UGT1A9: variants seen among roughly 807,000 people sequenced by gnomAD.
The protein encoded by UGT1A9 is UDP-glucuronosyltransferase 1A9.
UGT1A9 carries 35 observed loss-of-function variants against 45.0 expected under a neutral mutation model. That is an observed-to-expected ratio of 0.78 (90% confidence interval 0.59 to 1.03). The LOEUF (loss-of-function observed/expected upper bound fraction) is 1.03, where lower values mean the gene tolerates loss of function less well. Among genes scored for constraint, UGT1A9 ranks in the 50% least tolerant of loss-of-function variants. UGT1A9 has a pLI of 0.00. For missense variants in UGT1A9, 687 were observed against 666.6 expected (o/e 1.03, Z -0.34); for synonymous variants, 278 against 250.6 (o/e 1.11, Z -1.03).
chr2:233,755,170 T>C (rs1240762958), intron 1 of UGT1A9: 2 of 1,262,070 alleles, frequency 1.6e-6, no homozygotes, highest in Non-Finnish European at 2.2e-6. Context: ...TCGGGGTTTT[T>C]GTCGGGGTGC....
chr2:233,713,080 A>G (rs1178501043), intron 1 of UGT1A9: 1 of 1,614,182 alleles, frequency 6.2e-7, no homozygotes, highest in Non-Finnish European at 8.5e-7. Flanking sequence ...GAGAGTGGGA[A>G]GGTGCTGGTG....
rs146825304 is a variant in UGT1A9, at chr2:233,749,948, G to C, written c.856-17086G>C. On this transcript the variant is annotated intron_variant, in intron 1 of 4. Transcript: ENST00000354728. ...AAAGCTCTTTCCTTTATGAATTACC[G>C]AGTCTTGGGTATGTCTTTATAGCAG... 4.8e-3 allele frequency among the ~76,000 whole-genome samples: 734 copies of C among 151,926 alleles called. 7 individuals carry two copies. The highest frequency in any genetic ancestry group is 4.2e-3 in the Non-Finnish European group (283 of 68,018).
intron 1 of UGT1A9, chr2:233,741,926 GCATAACCTGTGC>G: frequency 6.6e-6 from 1 of 151,948 alleles, no homozygotes; most frequent in Non-Finnish European, 1.5e-5. Context: ...TTCATTTGGG[GCATAACCTGTGC>G]CAACAGAAAG....
chr2:233,690,431 T>C, intron 1 of UGT1A9: 1 of 1,261,160 alleles, frequency 7.9e-7, no homozygotes, highest in Non-Finnish European at 1.0e-6. Flanking sequence ...TGCACATCTT[T>C]GGGTCTCTCC....
At chr2:233,715,989 A>G (rs1242596937) in intron 1 of UGT1A9, among the ~76,000 whole-genome samples, 1 of 152,116 alleles carries the variant, frequency 6.6e-6, no homozygotes, top group East Asian at 1.9e-4. Flanking sequence ...TTAAAACACA[A>G]CAAAACCCAA....
At chr2:233,713,323 C>T (rs758064318) in intron 1 of UGT1A9, 21 of 1,614,222 alleles carry the variant, frequency 1.3e-5, no homozygotes, top group Non-Finnish European at 1.7e-6. Context: ...ATGAAATTTT[C>T]TAGAAGAATG....
At position 233,752,253 on chromosome 2, in the gene UGT1A9, G is replaced by A. The variant is rs182159000; in HGVS notation, c.856-14781G>A. ...TTGGTTTTTTGGACCCTACTGTGAT[G>A]GTCACAGGACTCCAGGTCTCTTGGG... On this transcript the variant is annotated intron_variant, in intron 1 of 4. Coordinates refer to ENST00000354728, the MANE Select transcript of UGT1A9 (RefSeq NM_021027.3). 1.2e-3 allele frequency: 184 copies of A among 152,284 alleles called. 1 individual carries two copies. Among genetic ancestry groups the A allele is most frequent in the African/African-American group, 4.2e-3 (173 of 41,564 alleles). 9.4% of individuals were successfully genotyped at this position (152,284 alleles called of 1,614,324 possible).
intron 4 of UGT1A9, chr2:233,771,337 C>A (rs949199935): frequency 6.6e-6 from 1 of 152,084 alleles, no homozygotes; most frequent in Non-Finnish European, 1.5e-5. Flanking sequence ...CCTCTTCATT[C>A]CTGTAGCACC....
intron 1 of UGT1A9, among the ~76,000 whole-genome samples, chr2:233,765,843 C>T (rs546022798): frequency 6.6e-6 from 1 of 151,968 alleles, no homozygotes; most frequent in Admixed American, 6.6e-5. Flanking sequence ...TTTCCTTGTC[C>T]CCCTCACAGA....
chr2:233,744,064 T>G, intron 1 of UGT1A9: 1 of 560,044 alleles, frequency 1.8e-6, no homozygotes, highest in Non-Finnish European at 2.7e-6. Context: ...TCGAGGCCTA[T>G]GAGCGCCTCG....
intron 1 of UGT1A9, among the ~76,000 whole-genome samples, chr2:233,723,682 C>CCTT: frequency 1.0e-5 from 1 of 95,480 alleles, no homozygotes; most frequent in African/African-American, 5.0e-5. Flanking sequence ...CTGCGGCCTT[C>CCTT]CGCAGTGTTT....
In UGT1A9 at chr2:233,672,258, A is replaced by G. The variant is rs759267504; in HGVS notation, c.324A>G (p.Leu108=). 3.7e-6 allele frequency: 6 copies of G among 1,614,080 alleles called. No individual in the cohort carries two copies. Among genetic ancestry groups the G allele is most frequent in the Admixed American group, 1.7e-5 (1 of 59,998 alleles). Residue 108 remains leucine, a synonymous_variant, in exon 1 of 5, where the codon CTA becomes CTG. Transcript: ENST00000354728. The part of the protein sequence containing the change: ...WKAQVRSIYS[L]LMGSYNDIFD... ...CACAAGTACGAAGTATATATTCTCT[A>G]TTAATGGGTTCATACAATGACATTT...
intron 1 of UGT1A9, chr2:233,718,075 G>A (rs2076626489): frequency 1.7e-5 from 6 of 344,578 alleles, no homozygotes; most frequent in South Asian, 1.2e-4. Context: ...CCTTGCTAGG[G>A]TTGTCTTGCC....
intron 1 of UGT1A9, among the ~76,000 whole-genome samples, chr2:233,766,364 G>C (rs1381103193): frequency 6.6e-6 from 1 of 152,144 alleles, no homozygotes; most frequent in Non-Finnish European, 1.5e-5. Flanking sequence ...GTGCCTGTTG[G>C]TGAGTTCTTC....
At chr2:233,746,859 G>T (rs1300459019) in intron 1 of UGT1A9, among the ~76,000 whole-genome samples, 1 of 151,794 alleles carries the variant, frequency 6.6e-6, no homozygotes, top group South Asian at 2.1e-4. Context: ...CTCAGCTGCA[G>T]CCTGATAAAC....
intron 1 of UGT1A9, chr2:233,692,779 C>A: frequency 7.6e-7 from 1 of 1,320,382 alleles, no homozygotes; most frequent in Non-Finnish European, 9.8e-7. Flanking sequence ...CACCCAGAAG[C>A]TCAGGTGAAA....
chr2:233,674,249 A>G (rs1418915824), intron 1 of UGT1A9, among the ~76,000 whole-genome samples: 1 of 152,190 alleles, frequency 6.6e-6, no homozygotes, highest in Non-Finnish European at 1.5e-5. Flanking sequence ...TGCTCTTTCT[A>G]AAAAGCAGGA....
intron 1 of UGT1A9, among the ~76,000 whole-genome samples, chr2:233,732,232 C>T (rs2078252352): frequency 6.6e-6 from 1 of 152,176 alleles, no homozygotes; most frequent in South Asian, 2.1e-4. Flanking sequence ...TTCTCCCATT[C>T]TGTAGGTTGC....
intron 1 of UGT1A9, chr2:233,692,760 G>A: frequency 8.2e-7 from 1 of 1,218,436 alleles, no homozygotes. Flanking sequence ...TTGTGGAGCT[G>A]AAGAGAAACA....
Sources: gnomAD v4.1 joint callset for allele counts (sites outside exome capture counted in the v4.1 genomes callset) on GRCh38, gnomAD v4.1.1 for gene constraint, MANE v1.5 for transcripts, NCBI Gene and HGNC (gene_info 2026-07-23, HGNC 2026-07-21) for gene names.